DCP2: variants seen among roughly 807,000 people sequenced by gnomAD.
DCP2 encodes the protein decapping mRNA 2.
In DCP2, 30 loss-of-function variants were observed where a neutral mutation model predicts 56.1. That is an observed-to-expected ratio of 0.53 (90% confidence interval 0.40 to 0.73). DCP2 has a LOEUF of 0.73. Among genes scored for constraint, DCP2 ranks in the 30% least tolerant of loss-of-function variants. The pLI is 0.00. For synonymous variants in DCP2, 197 were observed against 163.3 expected (o/e 1.21, Z -1.57); for missense variants, 533 against 502.7 (o/e 1.06, Z -0.58).
chr5:113,015,340 T>C lies in DCP2; in HGVS notation c.*1856T>C, dbSNP rs1365823865. The C allele has an allele frequency of 6.6e-6, 1 of 152,424 alleles. No homozygotes were observed. The highest frequency in any genetic ancestry group is 1.5e-5 in the Non-Finnish European group (1 of 67,990). The allele number at this position is 152,424 out of a possible 1,614,324, so 9.4% of individuals were successfully genotyped here. A position where few individuals can be genotyped will look rare whatever the true frequency, so the allele number is the denominator to read the frequency against. ...TCTGGAAACCATTTAACTTTTACTG[T>C]TTTTTATTTTTTTGGTATGTGTTTT... On this transcript the variant is annotated 3_prime_UTR_variant, in exon 11 of 11. Coordinates refer to ENST00000389063, the MANE Select transcript of DCP2 (RefSeq NM_152624.6).
At chr5:112,998,301 T>A (rs1441184538) in intron 4 of DCP2, among the ~76,000 whole-genome samples, 1 of 152,202 alleles carries the variant, frequency 6.6e-6, no homozygotes, top group Non-Finnish European at 1.5e-5. Context: ...CAGAAGGCCT[T>A]TTTTCTTCTT....
chr5:112,983,248 T>G (rs1020071433), intron 1 of DCP2, among the ~76,000 whole-genome samples: 1 of 152,178 alleles, frequency 6.6e-6, no homozygotes. Flanking sequence ...GTTCTGAAAG[T>G]TAAAACACTA....
In DCP2 at chr5:112,985,876, C is replaced by T. The variant is rs1561686239; in HGVS notation, c.95C>T (p.Ala32Val). The T allele has an allele frequency of 1.2e-6, 2 of 1,609,882 alleles. No individual in the cohort carries two copies. Among genetic ancestry groups the T allele is most frequent in the Non-Finnish European group, 1.7e-6 (2 of 1,176,498 alleles). The change falls in exon 2 of 11, where the codon GCA becomes GTA. Residue 32 changes from alanine to valine, a missense_variant. Ala to Val is a moderately conservative substitution (Grantham distance 64). Coordinates refer to ENST00000389063, the MANE Select transcript of DCP2 (RefSeq NM_152624.6). Reference protein sequence around the residue: ...LHIPSEERDNAIRVCFQIELA... With the variant: ...LHIPSEERDNVIRVCFQIELA... ...ATTCCCAGCGAGGAAAGAGACAATG[C>T]AATCCGAGTGTGTTTTCAGATTGAA...
intron 4 of DCP2, among the ~76,000 whole-genome samples, chr5:112,996,863 G>C (rs1748880375): frequency 6.6e-6 from 1 of 152,124 alleles, no homozygotes; most frequent in African/African-American, 2.4e-5. Flanking sequence ...TTTAAAGATT[G>C]CAATGGGTTT....
chr5:112,984,703 A>AAAATATATATAT, intron 1 of DCP2: 14 of 64,856 alleles, frequency 2.2e-4, no homozygotes, highest in African/African-American at 9.5e-4. Context: ...AAAAAAAAAA[A>AAAATATATATAT]ATATATATAT....
Position 113,014,867 on chromosome 5 carries a change from T to C in DCP2, c.*1383T>C, listed in dbSNP as rs113435211. 1.4e-3 allele frequency: 213 copies of C among 152,792 alleles called. No homozygotes were observed. The highest frequency in any genetic ancestry group is 2.4e-3 in the Non-Finnish European group (165 of 68,034). The allele number at this position is 152,792 out of a possible 1,614,324, so 9.5% of individuals were successfully genotyped here. On this transcript the variant is annotated 3_prime_UTR_variant, in exon 11 of 11. Coordinates refer to ENST00000389063, the MANE Select transcript of DCP2 (RefSeq NM_152624.6). ...TTATTGTAGAAATCTTTATTCTGTGTAGGTAGCCTATTTAATTGGGTTCCA... is the reference window on the plus strand; with the variant it reads ...TTATTGTAGAAATCTTTATTCTGTGCAGGTAGCCTATTTAATTGGGTTCCA...
In DCP2 at chr5:113,019,273, T is replaced by C. The variant is rs547625424; in HGVS notation, c.*5789T>C. 6.6e-6 allele frequency: 1 copy of C among 152,210 alleles called. No homozygotes were observed. The highest frequency in any genetic ancestry group is 1.5e-5 in the Non-Finnish European group (1 of 68,036). The allele number at this position is 152,210 out of a possible 1,614,324, so 9.4% of individuals were successfully genotyped here. The stretch of plus-strand genomic sequence containing the variant: ...TAAAGGTTCTCAACTGTGAATGAAA[T>C]TTAGAAAGATAATTCTTCAGCAGTT... On this transcript the variant is annotated 3_prime_UTR_variant, in exon 11 of 11. Coordinates refer to ENST00000389063, the MANE Select transcript of DCP2 (RefSeq NM_152624.6).
At position 112,976,862 on chromosome 5, in the gene DCP2, G is replaced by A. The variant is rs752563535; in HGVS notation, c.-72G>A. ...GCTGCCAGCTCTCCGGCGAGCCGGA[G>A]TCCTAGTGCCGTACCGTCAGTCCCC... On this transcript the variant is annotated 5_prime_UTR_variant, in exon 1 of 11. Transcript: ENST00000389063. 6.6e-7 allele frequency: 1 copy of A among 1,523,148 alleles called. No individual in the cohort carries two copies. Among genetic ancestry groups the A allele is most frequent in the African/African-American group, 1.4e-5 (1 of 73,112 alleles). 94.4% of individuals were successfully genotyped at this position (1,523,148 alleles called of 1,614,324 possible). A position where few individuals can be genotyped will look rare whatever the true frequency, so the allele number is the denominator to read the frequency against.
chr5:113,007,891 T>C (rs774368779), intron 8 of DCP2, 47 bp from the exon 9 acceptor site: 1 of 1,528,306 alleles, frequency 6.5e-7, no homozygotes, highest in Non-Finnish European at 8.9e-7. Flanking sequence ...TTTTGTGCTA[T>C]TACATTATGC....
At chr5:112,978,739 C>CT (rs1161028934) in intron 1 of DCP2, among the ~76,000 whole-genome samples, 1 of 150,250 alleles carries the variant, frequency 6.7e-6, no homozygotes, top group Admixed American at 6.6e-5. Flanking sequence ...GGGTTAATGA[C>CT]TAGACGCACA....
At chr5:113,006,482 A>T (rs1748431768) in intron 8 of DCP2, among the ~76,000 whole-genome samples, 1 of 152,234 alleles carries the variant, frequency 6.6e-6, no homozygotes, top group African/African-American at 2.4e-5. Context: ...GAATGAAACT[A>T]AATTAAAACT....
intron 2 of DCP2, among the ~76,000 whole-genome samples, chr5:112,989,653 G>A (rs114429641): frequency 2.0e-4 from 30 of 152,100 alleles, no homozygotes; most frequent in South Asian, 2.1e-4. Context: ...AAAAACTTTC[G>A]GAGATGGCCA....
chr5:113,010,944 A>C, intron 10 of DCP2, 137 bp downstream of exon 10: 1 of 873,954 alleles, frequency 1.1e-6, no homozygotes, highest in Non-Finnish European at 1.7e-6. Context: ...GAAAGAGTTC[A>C]TGTATGTAGA....
chr5:112,999,803 A>G (rs1196971904), intron 4 of DCP2, among the ~76,000 whole-genome samples: 2 of 151,540 alleles, frequency 1.3e-5, no homozygotes, highest in Non-Finnish European at 2.9e-5. Context: ...GCTCATACCT[A>G]TAATCCTAGC....
intron 9 of DCP2, among the ~76,000 whole-genome samples, chr5:113,009,659 T>TAC (rs1174623850): frequency 8.7e-5 from 13 of 148,838 alleles, no homozygotes; most frequent in African/African-American, 2.7e-4. Flanking sequence ...GAAGAAGATA[T>TAC]TAAATACAGT....
At chr5:113,000,759 G>T (rs556706290) in intron 4 of DCP2, among the ~76,000 whole-genome samples, 9 of 152,212 alleles carry the variant, frequency 5.9e-5, no homozygotes, top group African/African-American at 2.2e-4. Flanking sequence ...TGGAGAGTGG[G>T]AAATCTTGAA....
chr5:113,004,103 T>G (rs745478202), intron 8 of DCP2, 26 bp downstream of exon 8: 1 of 1,596,730 alleles, frequency 6.3e-7, no homozygotes, highest in Admixed American at 1.8e-5. Flanking sequence ...TTACAGTCTT[T>G]TCAGAAATTT....
At chr5:113,011,292 A>G (rs558285997) in intron 10 of DCP2, among the ~76,000 whole-genome samples, 4 of 152,302 alleles carry the variant, frequency 2.6e-5, no homozygotes, top group East Asian at 3.9e-4. Flanking sequence ...GCAGTGTTCA[A>G]CTTTTTAAGG....
rs1423092461 is a variant in DCP2 at position 113,001,361 on chromosome 5, T to C, written c.590T>C (p.Ile197Thr). Residue 197 changes from isoleucine to threonine, a missense_variant, in exon 6 of 11, where the codon ATT (isoleucine) becomes ACT (threonine). Physicochemically the swap from Ile to Thr is moderately conservative, Grantham distance 89 (BLOSUM62 -1). Transcript: ENST00000389063. The stretch of plus-strand genomic sequence containing the variant: ...TTATTTTCTTCTGTGTTTCAGAACA[T>C]TGAGTGGTTCTCTATTGAGAAATTG... ...NPKTRREIRN[I>T]EWFSIEKLPC... The C allele has an allele frequency of 1.2e-6, 2 of 1,610,712 alleles. No homozygotes were observed. The highest frequency in any genetic ancestry group is 1.7e-6 in the Non-Finnish European group (2 of 1,179,052).
Sources: gnomAD v4.1 joint callset for allele counts (sites outside exome capture counted in the v4.1 genomes callset) on GRCh38, gnomAD v4.1.1 for gene constraint, MANE v1.5 for transcripts, NCBI Gene and HGNC (gene_info 2026-07-23, HGNC 2026-07-21) for gene names.